FOXP1: variants seen among roughly 807,000 people sequenced by gnomAD.
FOXP1 encodes forkhead box P1, also known as forkhead box protein P1.
A neutral mutation model predicts 98.2 loss-of-function variants in FOXP1; 15 were observed. That is an observed-to-expected ratio of 0.15 (90% confidence interval 0.10 to 0.24). The LOEUF is 0.24. FOXP1 is among the 10% of genes least tolerant of loss of function. The pLI is 1.00. For missense variants in FOXP1, 633 were observed against 848.5 expected (o/e 0.75, Z 3.15); for synonymous variants, 371 against 314.5 (o/e 1.18, Z -1.90).
In FOXP1 at chr3:71,054,453, G is replaced by A. The variant is rs75170428; in HGVS notation, c.283-680C>T. 9.1e-3 allele frequency among the ~76,000 whole-genome samples: 1,386 copies of A among 152,286 alleles called. 17 individuals are homozygous for A. The highest frequency in any genetic ancestry group is 0.025 in the African/African-American group (1,040 of 41,582). ...ATTTCATATTTGCAACTGTTAACAC[G>A]TTTCTGCACGGGCATCTTTGCAAGG... On this transcript the variant is annotated intron_variant, in intron 7 of 20. Coordinates refer to ENST00000649528, the MANE Select transcript of FOXP1 (RefSeq NM_001349338.3).
At chr3:71,035,483 C>A (rs569412934) in intron 11 of FOXP1, among the ~76,000 whole-genome samples, 22 of 152,242 alleles carry the variant, frequency 1.4e-4, no homozygotes, top group African/African-American at 4.6e-4. Flanking sequence ...GTAGACAATA[C>A]GTAAATGAAT....
At chr3:71,208,245 C>G (rs1393155601) in intron 5 of FOXP1, among the ~76,000 whole-genome samples, 1 of 152,148 alleles carries the variant, frequency 6.6e-6, no homozygotes, top group East Asian at 1.9e-4. Context: ...GACTTTTTCT[C>G]CTACACCTTC....
chr3:71,313,208 C>T (rs1230508233), intron 4 of FOXP1, among the ~76,000 whole-genome samples: 2 of 149,718 alleles, frequency 1.3e-5, no homozygotes, highest in Admixed American at 6.6e-5. Context: ...TACAGGCGCC[C>T]GCCACCACGC....
intron 6 of FOXP1, among the ~76,000 whole-genome samples, chr3:71,188,420 T>A (rs867197633): frequency 6.9e-6 from 1 of 145,606 alleles, no homozygotes; most frequent in Non-Finnish European, 1.5e-5. Flanking sequence ...TTTTTTTTCC[T>A]TTTTTTTTTT....
At chr3:70,987,963 T>C (rs2040020031) in intron 14 of FOXP1, 31 bp downstream of exon 14, 2 of 1,606,182 alleles carry the variant, frequency 1.2e-6, no homozygotes, top group Non-Finnish European at 1.7e-6. Flanking sequence ...TGAGTTTTGT[T>C]TTTTTCCCCT....
chr3:71,411,508 G>C (rs2082742271), intron 3 of FOXP1, among the ~76,000 whole-genome samples: 1 of 152,154 alleles, frequency 6.6e-6, no homozygotes, highest in African/African-American at 2.4e-5. Flanking sequence ...ATTTTTAGTA[G>C]AGACAGGGTT....
intron 14 of FOXP1, among the ~76,000 whole-genome samples, chr3:70,986,718 C>A (rs946900806): frequency 2.0e-5 from 3 of 151,204 alleles, no homozygotes; most frequent in Admixed American, 6.6e-5. Flanking sequence ...TTTTTGGTAG[C>A]CTACACATCT....
chr3:71,288,609 CT>C (rs2072422239), intron 5 of FOXP1, among the ~76,000 whole-genome samples: 1 of 152,212 alleles, frequency 6.6e-6, no homozygotes, highest in Non-Finnish European at 1.5e-5. Flanking sequence ...ACACATCCCA[CT>C]TTCCTCTATG....
intron 12 of FOXP1, among the ~76,000 whole-genome samples, chr3:71,009,369 G>C (rs982005479): frequency 1.3e-5 from 2 of 152,076 alleles, no homozygotes; most frequent in African/African-American, 2.4e-5. Context: ...CCTTACGCAT[G>C]GTCAACGGCT....
At chr3:71,365,741 T>C (rs1185339615) in intron 3 of FOXP1, among the ~76,000 whole-genome samples, 1 of 152,214 alleles carries the variant, frequency 6.6e-6, no homozygotes, top group African/African-American at 2.4e-5. Context: ...TCCCAGCACT[T>C]TGGGAGGCCA....
In FOXP1 at chr3:71,487,333, C is replaced by T. The variant is rs993174100; in HGVS notation, c.-168+6093G>A. ...CCTTGGCTTCCCAGTGTTGGGATTACGGGCATGAGCCACAGCACCCAGCCC... is the reference window on the plus strand; with the variant it reads ...CCTTGGCTTCCCAGTGTTGGGATTATGGGCATGAGCCACAGCACCCAGCCC... On this transcript the variant is annotated intron_variant, in intron 3 of 20. Transcript: ENST00000649528. Among the ~76,000 whole-genome samples, 34 of 152,268 alleles carry T rather than the reference C, an allele frequency of 2.2e-4. 1 individual carries two copies. Among genetic ancestry groups the T allele is most frequent in the Admixed American group, 3.9e-4 (6 of 15,296 alleles).
intron 6 of FOXP1, among the ~76,000 whole-genome samples, chr3:71,129,651 T>TG (rs1276868397): frequency 1.3e-5 from 2 of 149,438 alleles, no homozygotes; most frequent in African/African-American, 2.5e-5. Flanking sequence ...GGAAGGGGGG[T>TG]GTGGAGGGAG....
intron 3 of FOXP1, among the ~76,000 whole-genome samples, chr3:71,479,878 G>A (rs924071424): frequency 6.6e-6 from 1 of 151,938 alleles, no homozygotes; most frequent in Non-Finnish European, 1.5e-5. Context: ...CCCTACCACT[G>A]CTTTCATCAT....
chr3:71,428,257 T>C (rs930868877), intron 3 of FOXP1, among the ~76,000 whole-genome samples: 5 of 152,182 alleles, frequency 3.3e-5, no homozygotes, highest in Non-Finnish European at 5.9e-5. Flanking sequence ...CAGGAAGATA[T>C]TATGAAGCAA....
intron 10 of FOXP1, among the ~76,000 whole-genome samples, chr3:71,043,818 T>A (rs2048669290): frequency 6.6e-6 from 1 of 152,110 alleles, no homozygotes; most frequent in African/African-American, 2.4e-5. Flanking sequence ...ATCCAGCAAA[T>A]AAAGACAAAG....
chr3:71,283,028 C>T (rs1405200447), intron 5 of FOXP1, among the ~76,000 whole-genome samples: 3 of 152,200 alleles, frequency 2.0e-5, no homozygotes, highest in African/African-American at 7.2e-5. Flanking sequence ...TCTAAGTGCA[C>T]TCTCAGGAAT....
At chr3:71,441,086 C>CT (rs2085893640) in intron 3 of FOXP1, among the ~76,000 whole-genome samples, 1 of 152,112 alleles carries the variant, frequency 6.6e-6, no homozygotes, top group Non-Finnish European at 1.5e-5. Flanking sequence ...TAATATAAAA[C>CT]TTTTTTCAGC....
intron 17 of FOXP1, among the ~76,000 whole-genome samples, chr3:70,976,242 C>A (rs548417948): frequency 6.6e-6 from 1 of 152,044 alleles, no homozygotes; most frequent in Admixed American, 6.6e-5. Flanking sequence ...TTTGTAGAGA[C>A]AGGGTCTCGC....
chr3:71,368,470 A>G (rs1015052498), intron 3 of FOXP1, among the ~76,000 whole-genome samples: 1 of 152,234 alleles, frequency 6.6e-6, no homozygotes, highest in Non-Finnish European at 1.5e-5. Context: ...ATGACATGCA[A>G]AAGTTAAGAA....
Sources: gnomAD v4.1 joint callset for allele counts (sites outside exome capture counted in the v4.1 genomes callset) on GRCh38, gnomAD v4.1.1 for gene constraint, MANE v1.5 for transcripts, NCBI Gene and HGNC (gene_info 2026-07-23, HGNC 2026-07-21) for gene names.